Variants in ITPR2 observed in about 807,000 individuals in gnomAD.
ITPR2 encodes the protein inositol 1,4,5-trisphosphate receptor type 2, also known as inositol 1,4,5-trisphosphate-gated calcium channel ITPR2.
ITPR2 carries 207 observed loss-of-function variants against 317.1 expected under a neutral mutation model. That is an observed-to-expected ratio of 0.65 (90% CI 0.58 to 0.73). The LOEUF is 0.73. Among genes scored for constraint, ITPR2 ranks in the 30% least tolerant of loss-of-function variants. The pLI is 0.00. For synonymous variants in ITPR2, 1,156 were observed against 1,149.1 expected, an observed-to-expected ratio of 1.01 and a Z score of -0.12; for missense variants, 2,613 against 3,284.0, an observed-to-expected ratio of 0.80 and a Z score of 4.99.
intron 4 of ITPR2, among the ~76,000 whole-genome samples, chr12:26,723,799 C>G (rs1472459326): frequency 6.6e-6 from 1 of 152,136 alleles, no homozygotes; most frequent in Non-Finnish European, 1.5e-5. Context: ...ACACAGTGTC[C>G]TCTTTATGAG....
chr12:26,641,474 AAAAAG>A (rs55831454), intron 21 of ITPR2, among the ~76,000 whole-genome samples: 72,844 of 150,700 alleles, frequency 0.48, 17,907 homozygotes, highest in South Asian at 0.65. Context: ...AGAGAAAAAG[AAAAAG>A]AAAAGAAACC....
At chr12:26,765,900 G>C (rs1949711533) in intron 2 of ITPR2, among the ~76,000 whole-genome samples, 2 of 152,026 alleles carry the variant, frequency 1.3e-5, no homozygotes, top group Non-Finnish European at 2.9e-5. Context: ...GCAATATGTA[G>C]CATTTTATAA....
intron 47 of ITPR2, among the ~76,000 whole-genome samples, chr12:26,437,782 T>C (rs1328268294): frequency 6.6e-6 from 1 of 152,080 alleles, no homozygotes; most frequent in Non-Finnish European, 1.5e-5. Context: ...AATATATGTT[T>C]TTTTGTTTTG....
In ITPR2 at chr12:26,663,808, T is replaced by G. The variant is rs1426438064; in HGVS notation, c.1590A>C (p.Ala530=). The change falls in exon 15 of 57, where the codon GCA becomes GCC. Residue 530 remains alanine (A), a synonymous_variant. Coordinates refer to ENST00000381340, the MANE Select transcript of ITPR2 (RefSeq NM_002223.4). The part of the protein sequence containing the change: ...GILKAPFKEK[A]GEGSMLRLED... ...CAAGTCTCAGCATCGAGCCTTCTCCTGCTTTCTCTTTAAAGGGTGCTTTAA... is the reference window on the plus strand; with the variant it reads ...CAAGTCTCAGCATCGAGCCTTCTCCGGCTTTCTCTTTAAAGGGTGCTTTAA... The G allele has an allele frequency of 6.2e-7, 1 of 1,613,800 alleles. No individual in the cohort carries two copies.
chr12:26,604,209 A>G (rs1307232375), intron 26 of ITPR2, among the ~76,000 whole-genome samples: 2 of 152,212 alleles, frequency 1.3e-5, no homozygotes, highest in Non-Finnish European at 2.9e-5. Context: ...AACTTAATCC[A>G]CGTTGAGCCA....
intron 1 of ITPR2, among the ~76,000 whole-genome samples, chr12:26,828,347 C>T (rs1379791404): frequency 3.9e-5 from 6 of 152,138 alleles, no homozygotes; most frequent in African/African-American, 9.7e-5. Context: ...AATTGTACTC[C>T]GAGGTAAAAA....
rs1176777163 is a variant in ITPR2, at chr12:26,550,370, T to A, written c.4965-15A>T. 3.8e-6 allele frequency: 4 copies of A among 1,045,642 alleles called. No individual in the cohort carries two copies. Among genetic ancestry groups the A allele is most frequent in the Admixed American group, 3.7e-5 (2 of 53,570 alleles). The allele number at this position is 1,045,642 out of a possible 1,614,324, so 64.8% of individuals were successfully genotyped here. ...GATTAATCAACCTTAAAGCAAAACA[T>A]GAGACCTTTAGAAAGACAGTGATTT... On this transcript the variant is annotated splice_polypyrimidine_tract_variant and intron_variant, in intron 36 of 56. Transcript: ENST00000381340.
At chr12:26,823,822 T>C (rs976310062) in intron 1 of ITPR2, among the ~76,000 whole-genome samples, 3 of 152,068 alleles carry the variant, frequency 2.0e-5, no homozygotes, top group South Asian at 2.1e-4. Context: ...AAACAGTTGA[T>C]TAAATTTCAA....
chr12:26,660,965 A>G lies in ITPR2; in HGVS notation c.1714-1680T>C, dbSNP rs147524848. The stretch of plus-strand genomic sequence containing the variant: ...CATAATGCTATATAATATATACTAC[A>G]TAATAATAATAATATAGAACATTTT... On this transcript the variant is annotated intron_variant, in intron 15 of 56. Coordinates refer to ENST00000381340, the MANE Select transcript of ITPR2 (RefSeq NM_002223.4). 7.4e-3 allele frequency among the ~76,000 whole-genome samples: 1,127 copies of G among 151,408 alleles called. 12 individuals are homozygous for G. The highest frequency in any genetic ancestry group is 0.026 in the African/African-American group (1,082 of 41,338).
chr12:26,342,178 T>C (rs1938137059), intron 55 of ITPR2, among the ~76,000 whole-genome samples: 1 of 152,102 alleles, frequency 6.6e-6, no homozygotes, highest in Admixed American at 6.5e-5. Context: ...ATCAGGAAGA[T>C]CAAGGTTTAA....
At chr12:26,516,275 GGGAAGGGAAGGGAAAGGAAA>G (rs1943502150) in intron 37 of ITPR2, among the ~76,000 whole-genome samples, 17 of 37,814 alleles carry the variant, frequency 4.5e-4, no homozygotes, top group African/African-American at 1.3e-3. Context: ...AGGAAAGGAA[GGGAAGGGAAGGGAAAGGAAA>G]GGAAAGGAAA....
chr12:26,659,498 AAATTATACACCTAGAAAT>A (rs1947448452), intron 15 of ITPR2, among the ~76,000 whole-genome samples: 1 of 152,260 alleles, frequency 6.6e-6, no homozygotes, highest in Non-Finnish European at 1.5e-5. Flanking sequence ...TTCTACTAAA[AAATTATACACCTAGAAAT>A]AATTATCAGT....
At chr12:26,755,280 T>C (rs756854749) in intron 2 of ITPR2, among the ~76,000 whole-genome samples, 2 of 152,232 alleles carry the variant, frequency 1.3e-5, no homozygotes, top group Non-Finnish European at 2.9e-5. Flanking sequence ...AGTTGATTTA[T>C]AATTAACTAT....
intron 1 of ITPR2, among the ~76,000 whole-genome samples, chr12:26,814,677 C>T (rs1950818845): frequency 6.6e-6 from 1 of 152,024 alleles, no homozygotes; most frequent in Middle Eastern, 3.2e-3. Flanking sequence ...TTTTTTAATG[C>T]TTTAATTTTT....
In ITPR2 at chr12:26,732,918, T is replaced by C. The variant is rs374591800; in HGVS notation, c.164-7153A>G. Among the ~76,000 whole-genome samples the C allele has an allele frequency of 1.3e-4, 20 of 152,338 alleles. No individual in the cohort carries two copies. In the East Asian group the frequency reaches 2.3e-3, roughly 18 times the overall value. Reference sequence around the variant, plus strand: ...TCGTGGCAAGATCTCCTCAAAAAGTTATCATTTTTATTACCAAATACTAAC... The same window carrying C: ...TCGTGGCAAGATCTCCTCAAAAAGTCATCATTTTTATTACCAAATACTAAC... On this transcript the variant is annotated intron_variant, in intron 2 of 56. Coordinates refer to ENST00000381340, the MANE Select transcript of ITPR2 (RefSeq NM_002223.4).
intron 32 of ITPR2, among the ~76,000 whole-genome samples, chr12:26,581,909 T>C (rs1234252795): frequency 6.6e-6 from 1 of 152,174 alleles, no homozygotes; most frequent in Non-Finnish European, 1.5e-5. Context: ...TGCGTGGGGC[T>C]CTCTGGAGTC....
intron 11 of ITPR2, among the ~76,000 whole-genome samples, 176 bp from the exon 12 acceptor site, chr12:26,682,849 G>A (rs984196339): frequency 2.0e-5 from 3 of 152,214 alleles, no homozygotes; most frequent in Admixed American, 1.3e-4. Flanking sequence ...AAAGCATGCA[G>A]CATTTTTACC....
chr12:26,708,428 G>A (rs191754787), intron 9 of ITPR2, among the ~76,000 whole-genome samples: 4 of 152,254 alleles, frequency 2.6e-5, no homozygotes, highest in East Asian at 3.9e-4. Flanking sequence ...AAAAAAGAAC[G>A]AGATCCTGTC....
At chr12:26,497,545 C>T (rs1942968259) in intron 37 of ITPR2, among the ~76,000 whole-genome samples, 1 of 31,008 alleles carries the variant, frequency 3.2e-5, no homozygotes, top group South Asian at 1.9e-3. Context: ...TCAAGAGTTA[C>T]AATGAGATGA....
Sources: gnomAD v4.1 joint callset for allele counts (sites outside exome capture counted in the v4.1 genomes callset) on GRCh38, gnomAD v4.1.1 for gene constraint, MANE v1.5 for transcripts, NCBI Gene and HGNC (gene_info 2026-07-23, HGNC 2026-07-21) for gene names.